ESRRG: variants seen among roughly 807,000 people sequenced by gnomAD.
ESRRG encodes estrogen-related receptor gamma.
Under a neutral mutation model 44.0 loss-of-function variants are expected in ESRRG, and 13 were observed. The observed-to-expected ratio is 0.30, with a 90% confidence interval of 0.19 to 0.47. The LOEUF is 0.47. Ranked by LOEUF, ESRRG falls within the 20% of genes least tolerant of loss-of-function variation. The probability of loss-of-function intolerance (pLI) is 1.00; values close to 1 mark genes in which losing one functional copy is unlikely to be tolerated. For synonymous variants in ESRRG, 215 were observed against 214.6 expected (o/e 1.00, Z -0.02); for missense variants, 395 against 580.6 (o/e 0.68, Z 3.29).
At chr1:217,088,819 A>G (rs1274616973) in intron 1 of ESRRG, among the ~76,000 whole-genome samples, 1 of 152,114 alleles carries the variant, frequency 6.6e-6, no homozygotes, top group Non-Finnish European at 1.5e-5. Context: ...AGACTCTCCC[A>G]TCACCAAACA....
intron 1 of ESRRG, among the ~76,000 whole-genome samples, chr1:217,056,106 C>T (rs1345653515): frequency 6.6e-6 from 1 of 152,066 alleles, no homozygotes; most frequent in Non-Finnish European, 1.5e-5. Context: ...TTGAGATCCT[C>T]CATGTTCTCT....
At chr1:216,571,488 T>C (rs1242298876) in intron 3 of ESRRG, among the ~76,000 whole-genome samples, 5 of 152,038 alleles carry the variant, frequency 3.3e-5, no homozygotes, top group Admixed American at 3.3e-4. Context: ...AAACAAAAAG[T>C]ATTATCAAAT....
chr1:216,717,961 A>T (rs1327210556), intron 1 of ESRRG, among the ~76,000 whole-genome samples: 2 of 151,876 alleles, frequency 1.3e-5, no homozygotes, highest in Non-Finnish European at 3.0e-5. Flanking sequence ...TATGGGCCCA[A>T]ACCATTAAAT....
Position 216,505,289 on chromosome 1 carries a change from G to A in ESRRG, c.*1650C>T, listed in dbSNP as rs1310998300. 2 of 152,548 alleles carry A rather than the reference G, an allele frequency of 1.3e-5. No homozygotes were observed. The highest frequency in any genetic ancestry group is 1.9e-4 in the East Asian group (1 of 5,184). 9.4% of individuals were successfully genotyped at this position (152,548 alleles called of 1,614,324 possible). ...TTAGATTACACCTCTTAACAGTCTG[G>A]AACCTGACTTGACTTTCATGCTGTG... On this transcript the variant is annotated 3_prime_UTR_variant, in exon 7 of 7. Coordinates refer to ENST00000408911, the MANE Select transcript of ESRRG (RefSeq NM_001438.4).
intron 1 of ESRRG, among the ~76,000 whole-genome samples, chr1:217,038,060 T>C (rs1347792434): frequency 1.3e-5 from 2 of 152,212 alleles, no homozygotes; most frequent in Non-Finnish European, 2.9e-5. Flanking sequence ...CAGGCTGGCA[T>C]TGAGTGTCTC....
intron 2 of ESRRG, among the ~76,000 whole-genome samples, chr1:216,845,248 C>T (rs1471308614): frequency 2.0e-5 from 3 of 152,066 alleles, no homozygotes; most frequent in African/African-American, 7.2e-5. Context: ...TTAAGAACAG[C>T]ACTTGGCATG....
chr1:217,118,024 A>T (rs188433377), intron 1 of ESRRG, among the ~76,000 whole-genome samples: 124 of 152,342 alleles, frequency 8.1e-4, no homozygotes, highest in African/African-American at 2.8e-3. Context: ...TAATCTAATA[A>T]TAATAGCTAG....
At chr1:216,764,807 TAA>T (rs1434399735) in intron 2 of ESRRG, among the ~76,000 whole-genome samples, 1 of 152,074 alleles carries the variant, frequency 6.6e-6, no homozygotes, top group African/African-American at 2.4e-5. Flanking sequence ...GGGTCTAATT[TAA>T]AGAGACTAAT....
At chr1:216,724,486 C>T (rs1321980686), upstream of ESRRG, among the ~76,000 whole-genome samples, 1 of 150,732 alleles carries the variant, frequency 6.6e-6, no homozygotes, top group East Asian at 1.9e-4. Context: ...TATGATTTTA[C>T]CCAAAACATC....
At chr1:216,777,760 C>T (rs928310393) in intron 2 of ESRRG, among the ~76,000 whole-genome samples, 4 of 152,124 alleles carry the variant, frequency 2.6e-5, no homozygotes, top group Non-Finnish European at 4.4e-5. Flanking sequence ...TATACACACA[C>T]ATAACACATA....
intron 2 of ESRRG, among the ~76,000 whole-genome samples, chr1:216,782,572 G>A (rs1291890613): frequency 6.6e-6 from 1 of 151,858 alleles, no homozygotes; most frequent in Non-Finnish European, 1.5e-5. Context: ...TCTTTTTTAA[G>A]GTTAGCACTT....
chr1:216,706,495 C>G (rs1328207897), intron 1 of ESRRG, among the ~76,000 whole-genome samples: 2 of 152,142 alleles, frequency 1.3e-5, no homozygotes, highest in Non-Finnish European at 2.9e-5. Flanking sequence ...GGTGTCATTT[C>G]TAAAAGTGTG....
intron 3 of ESRRG, among the ~76,000 whole-genome samples, chr1:216,601,242 C>T (rs575062363): frequency 2.0e-4 from 30 of 152,130 alleles, no homozygotes; most frequent in African/African-American, 7.0e-4. Context: ...GAAGGACACC[C>T]GGCCGTCGGA....
intron 1 of ESRRG, among the ~76,000 whole-genome samples, chr1:217,128,696 A>G (rs1054445298): frequency 1.3e-5 from 2 of 152,252 alleles, no homozygotes; most frequent in Non-Finnish European, 2.9e-5. Flanking sequence ...AGGTCAGTGT[A>G]GCCCCACCTG....
intron 1 of ESRRG, among the ~76,000 whole-genome samples, chr1:216,990,440 T>C (rs763031001): frequency 4.6e-5 from 7 of 152,200 alleles, no homozygotes; most frequent in Non-Finnish European, 1.0e-4. Context: ...CCTTTTTGTA[T>C]CCTAAAGTTT....
intron 2 of ESRRG, among the ~76,000 whole-genome samples, chr1:216,890,777 A>G (rs1243435162): frequency 6.6e-6 from 1 of 152,216 alleles, no homozygotes; most frequent in African/African-American, 2.4e-5. Flanking sequence ...CCTAGACCAA[A>G]TAAACACACA....
chr1:216,758,945 A>G (rs1293270022), intron 2 of ESRRG, among the ~76,000 whole-genome samples: 1 of 152,018 alleles, frequency 6.6e-6, no homozygotes, highest in Non-Finnish European at 1.5e-5. Context: ...AGGTATTATT[A>G]TCCCCATTTT....
chr1:216,638,522 A>T (rs1460372867), intron 3 of ESRRG, among the ~76,000 whole-genome samples: 1 of 152,216 alleles, frequency 6.6e-6, no homozygotes, highest in Non-Finnish European at 1.5e-5. Flanking sequence ...ACTCCATTTG[A>T]CCCAGAGTCT....
intron 2 of ESRRG, among the ~76,000 whole-genome samples, chr1:216,810,872 G>A (rs1393454491): frequency 6.7e-6 from 1 of 150,026 alleles, no homozygotes; most frequent in Non-Finnish European, 1.5e-5. Flanking sequence ...ATAACGTTAT[G>A]ATATACATAT....
Sources: allele counts gnomAD v4.1 joint callset (sites outside exome capture counted in the v4.1 genomes callset), GRCh38; gene constraint gnomAD v4.1.1; transcripts MANE v1.5; gene names NCBI Gene and HGNC (gene_info 2026-07-23, HGNC 2026-07-21).